Variants in CCDC148 observed in about 807,000 individuals in gnomAD.
The protein encoded by CCDC148 is coiled-coil domain containing 148.
Under a neutral mutation model 85.7 loss-of-function variants are expected in CCDC148, and 89 were observed. The observed-to-expected ratio is 1.04, with a 90% CI of 0.87 to 1.24. The LOEUF is 1.24. Among genes scored for constraint, CCDC148 ranks in the 50% most tolerant of loss-of-function variants. The pLI is 0.00. For synonymous variants in CCDC148, 230 were observed against 213.9 expected, an observed-to-expected ratio of 1.08 and a Z score of -0.66; for missense variants, 692 against 671.7, an observed-to-expected ratio of 1.03 and a Z score of -0.33.
intron 11 of CCDC148, among the ~76,000 whole-genome samples, chr2:158,210,513 T>C (rs1164872752): frequency 1.3e-5 from 2 of 152,258 alleles, no homozygotes; most frequent in East Asian, 3.9e-4. Context: ...ATATGCATTC[T>C]ACTCAGCACC....
chr2:158,444,151 T>G (rs1402698482), intron 1 of CCDC148, among the ~76,000 whole-genome samples: 8 of 152,184 alleles, frequency 5.3e-5, no homozygotes, highest in Admixed American at 5.2e-4. Context: ...TATAACATTT[T>G]CAAAATTTAC....
chr2:158,411,888 C>A (rs1254849836), intron 1 of CCDC148, among the ~76,000 whole-genome samples: 1 of 152,132 alleles, frequency 6.6e-6, no homozygotes, highest in African/African-American at 2.4e-5. Flanking sequence ...GTGGGATGTG[C>A]AGCAGTGCTG....
chr2:158,356,736 T>C (rs1204411759), intron 2 of CCDC148, among the ~76,000 whole-genome samples: 249 of 146,792 alleles, frequency 1.7e-3, no homozygotes, highest in African/African-American at 6.0e-3. Flanking sequence ...ACTGGGTATA[T>C]ACCCAAAGGA....
intron 9 of CCDC148, among the ~76,000 whole-genome samples, chr2:158,286,608 A>C (rs1690636830): frequency 6.6e-6 from 1 of 152,226 alleles, no homozygotes; most frequent in Admixed American, 6.5e-5. Context: ...CTCATTACAA[A>C]GCTATAATAT....
chr2:158,438,009 T>C (rs1243239173), intron 1 of CCDC148, among the ~76,000 whole-genome samples: 5 of 152,174 alleles, frequency 3.3e-5, no homozygotes, highest in Non-Finnish European at 7.3e-5. Context: ...TCCATGCCCA[T>C]GGGTAGGAAG....
At chr2:158,442,817 T>C (rs1326502583) in intron 1 of CCDC148, among the ~76,000 whole-genome samples, 3 of 152,236 alleles carry the variant, frequency 2.0e-5, no homozygotes, top group Admixed American at 1.3e-4. Context: ...ACTCATTAAA[T>C]ACTCACAACA....
At chr2:158,345,432 T>C in intron 2 of CCDC148, 114 bp from the exon 3 acceptor site, 1 of 649,172 alleles carries the variant, frequency 1.5e-6, no homozygotes, top group South Asian at 2.3e-5. Context: ...TTTAAAATTC[T>C]TATTAGTGCA....
intron 2 of CCDC148, 115 bp downstream of exon 2, chr2:158,358,334 G>A (rs1317411813): frequency 1.2e-5 from 15 of 1,218,984 alleles, no homozygotes; most frequent in Non-Finnish European, 1.6e-5. Context: ...ATTTCTACTT[G>A]GGAGTTTCTA....
chr2:158,250,118 C>A (rs187776556), intron 10 of CCDC148, among the ~76,000 whole-genome samples: 280 of 152,056 alleles, frequency 1.8e-3, no homozygotes, highest in Non-Finnish European at 3.3e-3. Flanking sequence ...TGGGAAAAAA[C>A]ATAAATGCCT....
At chr2:158,388,059 G>T (rs1183712227) in intron 1 of CCDC148, among the ~76,000 whole-genome samples, 1 of 152,194 alleles carries the variant, frequency 6.6e-6, no homozygotes, top group African/African-American at 2.4e-5. Flanking sequence ...AAACTGGGTA[G>T]AGGAAACATT....
intron 11 of CCDC148, among the ~76,000 whole-genome samples, chr2:158,187,732 C>T (rs766660603): frequency 6.6e-6 from 1 of 151,956 alleles, no homozygotes; most frequent in African/African-American, 2.4e-5. Context: ...GTCTGTCTAC[C>T]CAAAGTTCCA....
In CCDC148 at chr2:158,319,133, C is replaced by T. The variant is rs372806732; in HGVS notation, c.765-5239G>A. ...CCATATGCTAAGTTTTTAATAATTA[C>T]ATTCATCATAAGAAGTGTAAGGAAA... On this transcript the variant is annotated intron_variant, in intron 7 of 13. Coordinates refer to ENST00000283233, the MANE Select transcript of CCDC148 (RefSeq NM_138803.4). Among the ~76,000 whole-genome samples, 20 of 152,264 alleles carry T rather than the reference C, an allele frequency of 1.3e-4. No individual in the cohort carries two copies. In the South Asian group the frequency reaches 4.2e-3, roughly 32 times the overall value.
intron 10 of CCDC148, among the ~76,000 whole-genome samples, chr2:158,237,653 T>A (rs1688167236): frequency 2.6e-5 from 4 of 151,594 alleles, no homozygotes; most frequent in African/African-American, 9.7e-5. Context: ...GAATATTAGA[T>A]TTGAGGAGTT....
At chr2:158,244,559 C>T (rs571581587) in intron 10 of CCDC148, among the ~76,000 whole-genome samples, 21 of 152,234 alleles carry the variant, frequency 1.4e-4, no homozygotes, top group Non-Finnish European at 2.2e-4. Flanking sequence ...TCCTTGAGGC[C>T]ACCACATTCC....
intron 1 of CCDC148, among the ~76,000 whole-genome samples, chr2:158,385,971 A>G (rs1174696621): frequency 6.6e-6 from 1 of 152,084 alleles, no homozygotes; most frequent in East Asian, 1.9e-4. Flanking sequence ...GCCCTAACAA[A>G]TAGTGGGGTC....
At chr2:158,271,466 C>A (rs905396216) in intron 9 of CCDC148, among the ~76,000 whole-genome samples, 2 of 152,100 alleles carry the variant, frequency 1.3e-5, no homozygotes, top group African/African-American at 4.8e-5. Context: ...TGAATCATTC[C>A]CTTGTTTAGC....
intron 7 of CCDC148, among the ~76,000 whole-genome samples, chr2:158,327,263 T>C (rs1269612771): frequency 6.6e-6 from 1 of 152,182 alleles, no homozygotes; most frequent in Non-Finnish European, 1.5e-5. Context: ...AGACTCACTT[T>C]AGCAGAATAT....
At chr2:158,428,289 T>C (rs1400414485) in intron 1 of CCDC148, among the ~76,000 whole-genome samples, 1 of 151,984 alleles carries the variant, frequency 6.6e-6, no homozygotes, top group African/African-American at 2.4e-5. Context: ...AACTTGCTGA[T>C]GGAGAGAATA....
chr2:158,409,200 T>C (rs899991965), intron 1 of CCDC148, among the ~76,000 whole-genome samples: 71 of 152,322 alleles, frequency 4.7e-4, no homozygotes, highest in African/African-American at 1.6e-3. Context: ...ACTGGGGAAC[T>C]GACTAGTGGA....
Sources: allele counts gnomAD v4.1 joint callset (sites outside exome capture counted in the v4.1 genomes callset), GRCh38; gene constraint gnomAD v4.1.1; transcripts MANE v1.5; gene names NCBI Gene and HGNC (gene_info 2026-07-23, HGNC 2026-07-21).